OXCT1: variants seen among roughly 807,000 people sequenced by gnomAD.
OXCT1 encodes the protein succinyl-CoA:3-ketoacid coenzyme A transferase 1, mitochondrial.
In OXCT1, 27 loss-of-function variants were observed where a neutral mutation model predicts 69.6. That is an observed-to-expected ratio of 0.39 (90% CI 0.29 to 0.54). The LOEUF (loss-of-function observed/expected upper bound fraction) is 0.54, where lower values mean the gene tolerates loss of function less well. Ranked by LOEUF, OXCT1 falls within the 20% of genes least tolerant of loss-of-function variation. The pLI, the probability that OXCT1 is intolerant of heterozygous loss-of-function variation, is 0.72. For synonymous variants in OXCT1, 202 were observed against 217.8 expected, an observed-to-expected ratio of 0.93 and a Z score of 0.64; for missense variants, 437 against 650.2, an observed-to-expected ratio of 0.67 and a Z score of 3.57.
At chr5:41,861,674 G>C (rs933097182) in intron 2 of OXCT1, among the ~76,000 whole-genome samples, 1 of 152,078 alleles carries the variant, frequency 6.6e-6, no homozygotes, top group Non-Finnish European at 1.5e-5. Context: ...TCATTCCTCA[G>C]TTTGCACTTA....
chr5:41,811,102 T>G (rs1579786679), intron 7 of OXCT1, among the ~76,000 whole-genome samples: 2 of 144,660 alleles, frequency 1.4e-5, no homozygotes, highest in African/African-American at 2.5e-5. Flanking sequence ...AAAGCAGCTG[T>G]GGAAGTCTAG....
At chr5:41,847,254 C>A (rs1481052015) in intron 5 of OXCT1, among the ~76,000 whole-genome samples, 1 of 151,896 alleles carries the variant, frequency 6.6e-6, no homozygotes, top group African/African-American at 2.4e-5. Flanking sequence ...TCTGAATAGA[C>A]CAATAACAGG....
intron 5 of OXCT1, among the ~76,000 whole-genome samples, chr5:41,848,127 A>G (rs1309875707): frequency 6.7e-6 from 1 of 148,704 alleles, no homozygotes; most frequent in Non-Finnish European, 1.5e-5. Flanking sequence ...GCATTCTTAT[A>G]CACCAATAAC....
chr5:41,832,335 G>GAGAA (rs1259286039), intron 7 of OXCT1, among the ~76,000 whole-genome samples: 2 of 93,672 alleles, frequency 2.1e-5, no homozygotes, highest in Non-Finnish European at 4.9e-5. Context: ...GTTCAGCACA[G>GAGAA]AGAGAGAGAG....
chr5:41,811,036 C>A (rs1579786379), intron 7 of OXCT1, among the ~76,000 whole-genome samples: 1 of 140,014 alleles, frequency 7.1e-6, no homozygotes, highest in African/African-American at 2.7e-5. Flanking sequence ...AGACAACAAG[C>A]AATAATGTCT....
chr5:41,842,392 C>A (rs1748669137), intron 6 of OXCT1, among the ~76,000 whole-genome samples: 1 of 152,020 alleles, frequency 6.6e-6, no homozygotes, highest in African/African-American at 2.4e-5. Context: ...CTGGTCTTGG[C>A]AACTAAAATA....
intron 13 of OXCT1, among the ~76,000 whole-genome samples, chr5:41,769,560 C>CAA (rs1011999912): frequency 9.7e-5 from 9 of 92,416 alleles, no homozygotes; most frequent in African/African-American, 2.4e-4. Context: ...CTATCTCTAC[C>CAA]AAAAAAAAAA....
chr5:41,797,341 A>G (rs938578408), intron 11 of OXCT1, among the ~76,000 whole-genome samples: 5 of 152,230 alleles, frequency 3.3e-5, no homozygotes, highest in Non-Finnish European at 7.3e-5. Context: ...GGCCTCTGCT[A>G]ATACATTACT....
intron 13 of OXCT1, among the ~76,000 whole-genome samples, chr5:41,763,325 G>C (rs1456647379): frequency 6.6e-6 from 1 of 152,122 alleles, no homozygotes; most frequent in Non-Finnish European, 1.5e-5. Flanking sequence ...TGGGGGACAA[G>C]GGATGAGGGT....
chr5:41,810,712 T>C (rs1211847019), intron 7 of OXCT1, among the ~76,000 whole-genome samples: 1 of 152,080 alleles, frequency 6.6e-6, no homozygotes, highest in Admixed American at 6.6e-5. Context: ...TTGGTGACAA[T>C]GTGTTTGTGA....
chr5:41,839,597 C>T lies in OXCT1; in HGVS notation c.732+854G>A, dbSNP rs116019883. On this transcript the variant is annotated intron_variant, in intron 7 of 16. Coordinates refer to ENST00000196371, the MANE Select transcript of OXCT1 (RefSeq NM_000436.4). ...CACACTTCATTTTCCAAGAAAGGAA[C>T]AAAACTCTAACATTTGATTGTTTCA... Among the ~76,000 whole-genome samples, 889 of 152,260 alleles carry T rather than the reference C, an allele frequency of 5.8e-3. 9 individuals carry two copies. Among genetic ancestry groups the T allele is most frequent in the African/African-American group, 0.02 (847 of 41,554 alleles).
At chr5:41,736,256 A>G (rs1479947840) in intron 16 of OXCT1, among the ~76,000 whole-genome samples, 1 of 152,172 alleles carries the variant, frequency 6.6e-6, no homozygotes, top group Admixed American at 6.5e-5. Context: ...AGGTTCCAGA[A>G]ATATAATCAA....
At position 41,824,158 on chromosome 5, in the gene OXCT1, TC is replaced by T. The variant is rs1386909176; in HGVS notation, c.732+16292del. ...AAAGAAATGTTTAGATCTTAACTCT[TC>T]CCCCTACCAATTTTGTTATCTTAAA... On this transcript the variant is annotated intron_variant, in intron 7 of 16. Coordinates refer to ENST00000196371, the MANE Select transcript of OXCT1 (RefSeq NM_000436.4). Among the ~76,000 whole-genome samples, 3 of 152,254 alleles carry T rather than the reference TC, an allele frequency of 2.0e-5. No individual in the cohort carries two copies. In the South Asian group the frequency reaches 6.2e-4, roughly 32 times the overall value.
intron 14 of OXCT1, among the ~76,000 whole-genome samples, chr5:41,753,345 G>C (rs1743905992): frequency 6.6e-6 from 1 of 151,674 alleles, no homozygotes; most frequent in South Asian, 2.1e-4. Flanking sequence ...ACACACACGT[G>C]TGCACGTATT....
intron 5 of OXCT1, 143 bp from the exon 6 acceptor site, chr5:41,842,924 G>C: frequency 1.4e-6 from 1 of 727,876 alleles, no homozygotes; most frequent in East Asian, 2.5e-5. Context: ...AGACTTCAAA[G>C]ATAAGCAGTG....
intron 7 of OXCT1, among the ~76,000 whole-genome samples, chr5:41,809,227 T>C (rs1343778677): frequency 1.3e-5 from 2 of 152,054 alleles, no homozygotes; most frequent in African/African-American, 4.8e-5. Context: ...TTGTTATCTC[T>C]GGGTAATAGT....
intron 13 of OXCT1, among the ~76,000 whole-genome samples, chr5:41,788,184 G>A (rs1427948963): frequency 6.6e-6 from 1 of 152,104 alleles, no homozygotes; most frequent in East Asian, 1.9e-4. Context: ...TATATTACTT[G>A]AAGTAGATTG....
At chr5:41,782,400 G>A (rs985151820) in intron 13 of OXCT1, among the ~76,000 whole-genome samples, 4 of 151,990 alleles carry the variant, frequency 2.6e-5, no homozygotes, top group African/African-American at 9.7e-5. Context: ...TTTTTGTAAA[G>A]ATCGGGTTTC....
At chr5:41,825,975 A>G (rs1273631137) in intron 7 of OXCT1, among the ~76,000 whole-genome samples, 4 of 152,250 alleles carry the variant, frequency 2.6e-5, no homozygotes, top group Non-Finnish European at 5.9e-5. Context: ...AAGTATAAAA[A>G]GAGATAAAAT....
Sources: gnomAD v4.1 joint callset for allele counts (sites outside exome capture counted in the v4.1 genomes callset) on GRCh38, gnomAD v4.1.1 for gene constraint, MANE v1.5 for transcripts, NCBI Gene and HGNC (gene_info 2026-07-23, HGNC 2026-07-21) for gene names.